The following SIK3 variants were observed in gnomAD, a reference collection of about 807,000 sequenced individuals.
SIK3 encodes SIK family kinase 3, also known as serine/threonine-protein kinase SIK3.
In SIK3, 28 loss-of-function variants were observed where a neutral mutation model predicts 144.2. The observed-to-expected ratio is 0.19, with a 90% confidence interval of 0.14 to 0.27. The LOEUF (loss-of-function observed/expected upper bound fraction) is 0.27, where lower values mean the gene tolerates loss of function less well. Among genes scored for constraint, SIK3 ranks in the 10% least tolerant of loss-of-function variants. The probability of loss-of-function intolerance (pLI) is 1.00; values close to 1 mark genes in which losing one functional copy is unlikely to be tolerated. For missense variants in SIK3, 1,319 were observed against 1,776.0 expected, an observed-to-expected ratio of 0.74 and a Z score of 4.62; for synonymous variants, 686 against 676.3, an observed-to-expected ratio of 1.01 and a Z score of -0.22.
intron 1 of SIK3, among the ~76,000 whole-genome samples, chr11:117,037,341 T>G (rs536473797): frequency 6.6e-6 from 1 of 152,210 alleles, no homozygotes; most frequent in Admixed American, 6.5e-5. Context: ...GTAAAATATA[T>G]AGCAATATAA....
At chr11:116,999,378 C>A (rs1464846942) in intron 1 of SIK3, among the ~76,000 whole-genome samples, 2 of 152,146 alleles carry the variant, frequency 1.3e-5, no homozygotes, top group Non-Finnish European at 2.9e-5. Flanking sequence ...AACTCAACTT[C>A]AATTCTTTCT....
chr11:116,875,213 C>T lies in SIK3; in HGVS notation c.1372G>A (p.Ala458Thr). 4 of 1,614,198 alleles carry T rather than the reference C, an allele frequency of 2.5e-6. No individual in the cohort carries two copies. The highest frequency in any genetic ancestry group is 3.4e-6 in the Non-Finnish European group (4 of 1,180,028). Reference protein sequence around the residue: ...SDEGEEPSPEALVRYLSMRRH... With the variant: ...SDEGEEPSPETLVRYLSMRRH... ...CTCATTGACAAATAGCGCACCAATG[C>T]TTCAGGGGAAGGCTCTTCACCCTCA... The change falls in exon 11 of 25, where the codon GCA (alanine) becomes ACA (threonine). Residue 458 changes from alanine to threonine, a missense_variant. By Grantham distance (58) the Ala-to-Thr change is moderately conservative. Coordinates refer to ENST00000445177, the MANE Select transcript of SIK3 (RefSeq NM_001366686.3).
intron 1 of SIK3, among the ~76,000 whole-genome samples, chr11:117,026,472 T>C (rs1409330601): frequency 1.3e-5 from 2 of 152,192 alleles, no homozygotes; most frequent in East Asian, 1.9e-4. Flanking sequence ...TGAAACAATT[T>C]TGACCATTCT....
intron 1 of SIK3, among the ~76,000 whole-genome samples, chr11:116,969,533 G>C (rs1211366975): frequency 2.0e-5 from 3 of 151,920 alleles, no homozygotes; most frequent in Non-Finnish European, 2.9e-5. Flanking sequence ...TGGGTCACAG[G>C]TTTCTTGATA....
At chr11:116,989,221 A>G (rs936246349) in intron 1 of SIK3, among the ~76,000 whole-genome samples, 4 of 152,036 alleles carry the variant, frequency 2.6e-5, no homozygotes. Flanking sequence ...GCATGTTCGA[A>G]TGTCTCTCAG....
intron 15 of SIK3, among the ~76,000 whole-genome samples, chr11:116,865,622 A>G (rs893348784): frequency 6.6e-6 from 1 of 152,180 alleles, no homozygotes; most frequent in African/African-American, 2.4e-5. Flanking sequence ...ACTTTTTAAA[A>G]CATTTTTAAC....
intron 1 of SIK3, among the ~76,000 whole-genome samples, chr11:117,051,999 G>A (rs532445998): frequency 4.6e-5 from 7 of 152,058 alleles, no homozygotes; most frequent in African/African-American, 9.6e-5. Flanking sequence ...AAAATTAGCC[G>A]GTCGTGGTGG....
At chr11:116,927,418 A>C (rs1410469461) in intron 3 of SIK3, 38 bp from the exon 4 acceptor site, 1 of 1,597,852 alleles carries the variant, frequency 6.3e-7, no homozygotes, top group African/African-American at 1.3e-5. Context: ...TTCATTTTGG[A>C]CACTTGTGTA....
intron 1 of SIK3, among the ~76,000 whole-genome samples, chr11:116,971,726 T>C (rs1949768713): frequency 6.6e-6 from 1 of 151,820 alleles, no homozygotes. Context: ...ACTACTTCAA[T>C]ATACCTCAAA....
At chr11:117,028,420 C>T (rs1164835992) in intron 1 of SIK3, among the ~76,000 whole-genome samples, 1 of 152,028 alleles carries the variant, frequency 6.6e-6, no homozygotes, top group Non-Finnish European at 1.5e-5. Context: ...GTGTTACAAT[C>T]TAGTATAATA....
Position 116,947,202 on chromosome 11 carries a change from T to TATTATTTATATATAATATATTATATACAA in SIK3, c.454+6841_454+6842insTTGTATATAATATATTATATATAAATAAT, listed in dbSNP as rs1565487195. On this transcript the variant is annotated intron_variant, in intron 3 of 24. Coordinates refer to ENST00000445177, the MANE Select transcript of SIK3 (RefSeq NM_001366686.3). ...TATATATAATATATTATATACAAATTATTATTTATATACAATATATAATTA... is the reference window on the plus strand; with the variant it reads ...TATATATAATATATTATATACAAATTATTATTTATATATAATATATTATATACAAATTATTTATATACAATATATAATTA... Among the ~76,000 whole-genome samples, 206 of 126,280 alleles carry TATTATTTATATATAATATATTATATACAA rather than the reference T, an allele frequency of 1.6e-3. 3 individuals carry two copies. Among genetic ancestry groups the TATTATTTATATATAATATATTATATACAA allele is most frequent in the African/African-American group, 6.6e-3 (188 of 28,308 alleles). 82.8% of individuals were successfully genotyped at this position (126,280 alleles called of 152,430 possible). A position where few individuals can be genotyped will look rare whatever the true frequency, so the allele number is the denominator to read the frequency against.
chr11:116,861,146 C>G, intron 19 of SIK3, 128 bp downstream of exon 19: 2 of 739,268 alleles, frequency 2.7e-6, no homozygotes, highest in Non-Finnish European at 4.4e-6. Flanking sequence ...CAGCTTGGCT[C>G]TAGAGTCCAT....
chr11:116,874,028 G>A lies in SIK3; in HGVS notation c.1456C>T (p.Leu486Phe), dbSNP rs1419972395. ...TTGACTCCAGGAAAGCCAGGTAGGA[G>A]CTTCTGCAGATCTTCCATAACTTCC... ...RTEVMEDLQK[L>F]LPGFPGVNPQ... is the part of the protein sequence containing the mutation. The change falls in exon 12 of 25, where the codon CTC becomes TTC. Residue 486 changes from leucine to phenylalanine, a missense_variant. Physicochemically the swap from Leu to Phe is conservative, Grantham distance 22. This residue lies in a region of SIK3 where 167 missense variants were observed against 263.3 expected (regional missense o/e 0.63). Transcript: ENST00000445177. 8 of 1,613,952 alleles carry A rather than the reference G, an allele frequency of 5.0e-6. No homozygotes were observed. Among genetic ancestry groups the A allele is most frequent in the African/African-American group, 2.7e-5 (2 of 74,928 alleles).
In SIK3 at chr11:116,844,079, G is replaced by A. The variant is rs1490939898; in HGVS notation, c.*1564C>T. On this transcript the variant is annotated 3_prime_UTR_variant, in exon 25 of 25. Transcript: ENST00000445177. ...TTTCCCAGAAAAAAAAAGGGTGGAA[G>A]AGTCAGTGTATTCAAGGTCTCTCTC... The A allele has an allele frequency of 6.6e-6, 1 of 152,196 alleles. No individual in the cohort carries two copies. Among genetic ancestry groups the A allele is most frequent in the Non-Finnish European group, 1.5e-5 (1 of 68,034 alleles). 9.4% of individuals were successfully genotyped at this position (152,196 alleles called of 1,614,324 possible). A position where few individuals can be genotyped will look rare whatever the true frequency, so the allele number is the denominator to read the frequency against.
chr11:117,008,157 T>C (rs1951123584), intron 1 of SIK3, among the ~76,000 whole-genome samples: 1 of 149,002 alleles, frequency 6.7e-6, no homozygotes, highest in African/African-American at 2.5e-5. Flanking sequence ...AAGCCTAAAA[T>C]TAACCATAAA....
intron 1 of SIK3, among the ~76,000 whole-genome samples, chr11:116,972,395 T>C (rs987448657): frequency 1.3e-5 from 2 of 152,152 alleles, no homozygotes; most frequent in Admixed American, 6.6e-5. Context: ...ACTGACAGCA[T>C]CAGACTTTAG....
chr11:117,030,051 T>TTAC (rs1466213359), intron 1 of SIK3, among the ~76,000 whole-genome samples: 1 of 151,454 alleles, frequency 6.6e-6, no homozygotes, highest in Non-Finnish European at 1.5e-5. Flanking sequence ...GAGAACAGAG[T>TTAC]TGTAGGAGGA....
chr11:116,947,061 G>A (rs901325512), intron 3 of SIK3, among the ~76,000 whole-genome samples: 55 of 133,454 alleles, frequency 4.1e-4, no homozygotes, highest in African/African-American at 1.4e-3. Context: ...GCAGTGAGCC[G>A]AGATTGCGCC....
chr11:117,009,228 GTCTC>G (rs1951162648), intron 1 of SIK3, among the ~76,000 whole-genome samples: 1 of 119,670 alleles, frequency 8.4e-6, no homozygotes, highest in Non-Finnish European at 1.6e-5. Flanking sequence ...GTGAGACACT[GTCTC>G]AAAAAAAAAA....
Sources: gnomAD v4.1 joint callset for allele counts (sites outside exome capture counted in the v4.1 genomes callset) on GRCh38, gnomAD v4.1.1 for gene constraint, gnomAD v4.1.1 regional missense constraint, MANE v1.5 for transcripts, NCBI Gene and HGNC (gene_info 2026-07-23, HGNC 2026-07-21) for gene names.